CFAP47: variants seen among roughly 807,000 people sequenced by gnomAD.
CFAP47 encodes cilia and flagella associated protein 47, also known as cilia- and flagella-associated protein 47.
A neutral mutation model predicts 148.1 loss-of-function variants in CFAP47; 29 were observed. That is an observed-to-expected ratio of 0.20 (90% confidence interval 0.15 to 0.27). The LOEUF is 0.27. Ranked by LOEUF, CFAP47 falls within the 10% of genes least tolerant of loss-of-function variation. The probability of loss-of-function intolerance (pLI) is 1.00; values close to 1 mark genes in which losing one functional copy is unlikely to be tolerated. For synonymous variants in CFAP47, 664 were observed against 577.3 expected, an observed-to-expected ratio of 1.15 and a Z score of -2.15; for missense variants, 1,872 against 1,697.5, an observed-to-expected ratio of 1.10 and a Z score of -1.81.
chrX:36,004,097 C>T (rs1159529578), intron 21 of CFAP47, among the ~76,000 whole-genome samples: 2 of 107,223 alleles, frequency 1.9e-5, no homozygotes, highest in African/African-American at 3.4e-5. Context: ...CTCAGCTTCC[C>T]GAGTAGCTGG....
chrX:35,975,108 A>G, intron 13 of CFAP47, 39 bp from the exon 14 acceptor site: 1 of 804,346 alleles, frequency 1.2e-6, no homozygotes, highest in African/African-American at 2.1e-5. Context: ...GTCATTTGCC[A>G]TCTTTAAACT....
At chrX:36,195,697 A>G (rs1939912482) in intron 42 of CFAP47, among the ~76,000 whole-genome samples, 1 of 111,473 alleles carries the variant, frequency 9.0e-6, no homozygotes, top group Non-Finnish European at 1.9e-5. Context: ...AATTCTAGCA[A>G]GGGATTCCAA....
chrX:36,071,349 TG>T (rs1284560891), intron 27 of CFAP47, among the ~76,000 whole-genome samples: 1 of 112,294 alleles, frequency 8.9e-6, no homozygotes, highest in Non-Finnish European at 1.9e-5. Flanking sequence ...AAATCGAGAT[TG>T]AAATCTGTAC....
intron 49 of CFAP47, among the ~76,000 whole-genome samples, chrX:36,256,738 T>G (rs1423468089): frequency 1.8e-5 from 2 of 112,032 alleles, no homozygotes; most frequent in Non-Finnish European, 1.9e-5. Flanking sequence ...AATTTGGGGC[T>G]TGGTGATCCA....
chrX:36,114,605 G>C (rs1001603750), intron 33 of CFAP47, among the ~76,000 whole-genome samples: 1 of 111,474 alleles, frequency 9.0e-6, no homozygotes, highest in Non-Finnish European at 1.9e-5. Flanking sequence ...ATTTCTGGAA[G>C]ATTTTAGAAG....
rs1556024961 is a variant in CFAP47, at chrX:36,385,046, T to G, written c.*40T>G. The stretch of plus-strand genomic sequence containing the variant: ...ATATTTCTTGGTCTCAGGTAGAACT[T>G]TGATGACTATTATTTCATCTTTTGG... On this transcript the variant is annotated 3_prime_UTR_variant, in exon 64 of 64. Transcript: ENST00000378653. 1 of 834,119 alleles carries G rather than the reference T, an allele frequency of 1.2e-6. No individual in the cohort carries two copies. Among genetic ancestry groups the G allele is most frequent in the East Asian group, 3.4e-5 (1 of 29,183 alleles). 68.7% of individuals were successfully genotyped at this position (834,119 alleles called of 1,213,427 possible).
At position 36,128,275 on chromosome X, in the gene CFAP47, T is replaced by C. The variant is rs777574791; in HGVS notation, c.5321-9683T>C. ...TACTAAGTATAAAATTTGGGGGTTA[T>C]TATTTTTCTCTGAACACTGTGCACA... On this transcript the variant is annotated intron_variant, in intron 33 of 63. Transcript: ENST00000378653. 3.6e-5 allele frequency among the ~76,000 whole-genome samples: 4 copies of C among 111,251 alleles called. No individual in the cohort carries two copies. The South Asian group carries it at 1.1e-3, about 31-fold the overall frequency.
At chrX:35,995,299 A>G (rs773357541) in intron 18 of CFAP47, among the ~76,000 whole-genome samples, 1 of 111,734 alleles carries the variant, frequency 8.9e-6, no homozygotes, top group African/African-American at 3.2e-5. Context: ...GACCCGTGTA[A>G]GTTTTAGATC....
chrX:36,043,667 G>C (rs888426991), intron 25 of CFAP47, among the ~76,000 whole-genome samples: 6 of 112,849 alleles, frequency 5.3e-5, no homozygotes, highest in Non-Finnish European at 1.1e-4. Flanking sequence ...CTATGGCTCT[G>C]GAGGGTACAG....
chrX:36,089,577 A>G (rs1194929908), intron 30 of CFAP47, among the ~76,000 whole-genome samples: 1 of 111,071 alleles, frequency 9.0e-6, no homozygotes, highest in Non-Finnish European at 1.9e-5. Flanking sequence ...ATATAGGCTT[A>G]TATTCCAACT....
At position 36,012,583 on chromosome X, in the gene CFAP47, A is replaced by G. The variant is rs751964012; in HGVS notation, c.3418-2191A>G. On this transcript the variant is annotated intron_variant, in intron 21 of 63. Coordinates refer to ENST00000378653, the MANE Select transcript of CFAP47 (RefSeq NM_001304548.2). ...CACAGGAACAGAAAACAAGCACCAC[A>G]TGTTCTCACTCATAAGTGGGAGTTG... is the stretch of plus-strand genomic sequence containing the variant. Among the ~76,000 whole-genome samples the G allele has an allele frequency of 1.2e-4, 13 of 111,463 alleles. No homozygotes were observed. In the East Asian group the frequency reaches 2.8e-3, roughly 24 times the overall value.
At chrX:36,356,781 G>A (rs1451465595) in intron 60 of CFAP47, among the ~76,000 whole-genome samples, 1 of 111,459 alleles carries the variant, frequency 9.0e-6, no homozygotes, top group Non-Finnish European at 1.9e-5. Context: ...GGAAATTAAA[G>A]CACTACACTG....
intron 30 of CFAP47, among the ~76,000 whole-genome samples, chrX:36,096,616 T>C (rs1341494903): frequency 9.0e-6 from 1 of 111,186 alleles, no homozygotes; most frequent in Non-Finnish European, 1.9e-5. Context: ...TTTCTTCTTA[T>C]AGTTTTTGTA....
chrX:36,034,925 C>G (rs1401999347), intron 23 of CFAP47, among the ~76,000 whole-genome samples: 7 of 110,543 alleles, frequency 6.3e-5, no homozygotes, highest in Non-Finnish European at 1.3e-4. Context: ...TGTATATATA[C>G]TAATCCACAT....
chrX:35,956,639 G>A (rs1936250338), intron 8 of CFAP47, among the ~76,000 whole-genome samples: 1 of 111,542 alleles, frequency 9.0e-6, no homozygotes, highest in African/African-American at 3.3e-5. Flanking sequence ...GTTTGAAACT[G>A]GTGATATTTA....
chrX:35,924,543 CTATATGTGTATATATGCGCA>C (rs1339144237), intron 1 of CFAP47, among the ~76,000 whole-genome samples: 27 of 100,222 alleles, frequency 2.7e-4, no homozygotes, highest in African/African-American at 3.9e-4. Flanking sequence ...ATATGTGCAC[CTATATGTGTATATATGCGCA>C]TATATGTGTA....
intron 49 of CFAP47, among the ~76,000 whole-genome samples, chrX:36,266,820 T>A (rs180963272): frequency 9.0e-6 from 1 of 110,905 alleles, no homozygotes; most frequent in East Asian, 2.9e-4. Context: ...AGCTTACATA[T>A]GTCAGACCCA....
In CFAP47 at chrX:36,256,896, A is replaced by G. The variant is rs150117508; in HGVS notation, c.7444+5452A>G. Among the ~76,000 whole-genome samples the G allele has an allele frequency of 3.6e-5, 4 of 112,075 alleles. No individual in the cohort carries two copies. The East Asian group carries it at 1.1e-3, about 31-fold the overall frequency. ...ATGTCATCTCCAATGATGACCCACT[A>G]CAGTAGATTCATGCTGTTTTAGTTT... On this transcript the variant is annotated intron_variant, in intron 49 of 63. Transcript: ENST00000378653.
At chrX:36,143,045 A>T (rs1939171009) in intron 35 of CFAP47, among the ~76,000 whole-genome samples, 1 of 112,125 alleles carries the variant, frequency 8.9e-6, no homozygotes, top group African/African-American at 3.2e-5. Flanking sequence ...TTCTTATCTT[A>T]AATCATTTTT....
Sources: allele counts gnomAD v4.1 joint callset (sites outside exome capture counted in the v4.1 genomes callset), GRCh38; gene constraint gnomAD v4.1.1; transcripts MANE v1.5; gene names NCBI Gene and HGNC (gene_info 2026-07-23, HGNC 2026-07-21).